The following SRGAP3 variants were observed in gnomAD, a reference collection of about 807,000 sequenced individuals.
SRGAP3 encodes SLIT-ROBO Rho GTPase-activating protein 3.
Under a neutral mutation model 121.1 loss-of-function variants are expected in SRGAP3, and 39 were observed. That is an observed-to-expected ratio of 0.32 (90% CI 0.25 to 0.42). SRGAP3 has a LOEUF of 0.42. Among genes scored for constraint, SRGAP3 ranks in the 10% least tolerant of loss-of-function variants. SRGAP3 has a pLI of 1.00. For synonymous variants in SRGAP3, 601 were observed against 570.0 expected, an observed-to-expected ratio of 1.05 and a Z score of -0.77; for missense variants, 1,213 against 1,470.6, an observed-to-expected ratio of 0.82 and a Z score of 2.86.
chr3:9,082,844 C>T (rs1947305128), intron 3 of SRGAP3, among the ~76,000 whole-genome samples: 1 of 152,202 alleles, frequency 6.6e-6, no homozygotes, highest in South Asian at 2.1e-4. Context: ...CCCCACAGCC[C>T]TTTCTCTCAG....
chr3:9,294,557 A>G (rs532786915), intron 3 of SRGAP3, among the ~76,000 whole-genome samples: 112 of 151,930 alleles, frequency 7.4e-4, no homozygotes, highest in African/African-American at 2.6e-3. Flanking sequence ...AAACAAAAAA[A>G]AACACCAATT....
chr3:9,051,211 A>T (rs1400147648), intron 9 of SRGAP3, among the ~76,000 whole-genome samples: 1 of 151,820 alleles, frequency 6.6e-6, no homozygotes, highest in Non-Finnish European at 1.5e-5. Flanking sequence ...GAGTCGTCCT[A>T]TGTTGCCGAA....
rs560032804 is a variant in SRGAP3, at chr3:9,021,221, C to T, written c.1678+4040G>A. Reference sequence around the variant, plus strand: ...ACGTGGCATGGCTTTAGCCCCACATCCAAACCCTGCGTAGATATGCACAGC... The same window carrying T: ...ACGTGGCATGGCTTTAGCCCCACATTCAAACCCTGCGTAGATATGCACAGC... On this transcript the variant is annotated intron_variant, in intron 14 of 21. Transcript: ENST00000383836. Among the ~76,000 whole-genome samples the T allele has an allele frequency of 7.9e-5, 12 of 152,352 alleles. No individual in the cohort carries two copies. The East Asian group carries it at 2.3e-3, about 29-fold the overall frequency.
At chr3:9,240,259 T>C (rs778451578) in intron 1 of SRGAP3, among the ~76,000 whole-genome samples, 22 of 152,358 alleles carry the variant, frequency 1.4e-4, no homozygotes, top group Middle Eastern at 3.4e-3. Flanking sequence ...CCAGCCAAGA[T>C]GTTTTATGAA....
At chr3:9,016,982 T>C (rs1210486499) in intron 14 of SRGAP3, among the ~76,000 whole-genome samples, 1 of 152,220 alleles carries the variant, frequency 6.6e-6, no homozygotes, top group Non-Finnish European at 1.5e-5. Flanking sequence ...CATACTTTCT[T>C]GTGTCCTTTT....
chr3:9,152,216 T>C (rs1238108626), intron 1 of SRGAP3, among the ~76,000 whole-genome samples: 1 of 152,340 alleles, frequency 6.6e-6, no homozygotes, highest in Non-Finnish European at 1.5e-5. Flanking sequence ...CCCATCCACA[T>C]GTGCCTGACT....
chr3:9,302,706 T>A (rs1225818154), intron 3 of SRGAP3, among the ~76,000 whole-genome samples: 2 of 152,162 alleles, frequency 1.3e-5, no homozygotes, highest in African/African-American at 4.8e-5. Flanking sequence ...GAGGAAGGGC[T>A]AGCGTCTGCC....
At position 9,010,396 on chromosome 3, in the gene SRGAP3, A is replaced by T; in HGVS notation, c.2148-9T>A. The T allele has an allele frequency of 1.9e-6, 3 of 1,613,974 alleles. No individual in the cohort carries two copies. The highest frequency in any genetic ancestry group is 1.7e-6 in the Non-Finnish European group (2 of 1,180,000). On this transcript the variant is annotated splice_polypyrimidine_tract_variant and intron_variant, in intron 17 of 21. Coordinates refer to ENST00000383836, the MANE Select transcript of SRGAP3 (RefSeq NM_014850.4). ...CGCTGTGTGGGCTGTCACTGCAAGG[A>T]AACACGGGAATGGGACTCACTGCGG...
At chr3:9,044,470 C>G (rs960759010) in intron 10 of SRGAP3, among the ~76,000 whole-genome samples, 2 of 152,208 alleles carry the variant, frequency 1.3e-5, no homozygotes, top group African/African-American at 4.8e-5. Flanking sequence ...GCGTGCTCAT[C>G]ATGCTACTCA....
At chr3:9,133,850 CA>C (rs1351438340) in intron 1 of SRGAP3, among the ~76,000 whole-genome samples, 1 of 152,182 alleles carries the variant, frequency 6.6e-6, no homozygotes, top group Non-Finnish European at 1.5e-5. Flanking sequence ...GGATTTGCTC[CA>C]AAATAGCCTT....
chr3:9,073,803 G>A (rs1279372664), intron 4 of SRGAP3, among the ~76,000 whole-genome samples: 1 of 152,218 alleles, frequency 6.6e-6, no homozygotes, highest in Non-Finnish European at 1.5e-5. Flanking sequence ...AGAATAGTAA[G>A]TACAGTTGTC....
At chr3:9,036,655 A>G (rs1424644735) in intron 11 of SRGAP3, 1 of 152,260 alleles carries the variant, frequency 6.6e-6, no homozygotes, top group Non-Finnish European at 1.5e-5. Flanking sequence ...GTTTGATTAC[A>G]GATCTCCTCT....
chr3:9,058,365 C>T lies in SRGAP3; in HGVS notation c.909G>A (p.Glu303=). 1 of 1,614,256 alleles carries T rather than the reference C, an allele frequency of 6.2e-7. No homozygotes were observed. The highest frequency in any genetic ancestry group is 8.5e-7 in the Non-Finnish European group (1 of 1,180,048). The change falls in exon 7 of 22, where the codon GAG becomes GAA. Residue 303 remains glutamate, a synonymous_variant. Transcript: ENST00000383836. ...TSRHEGLDVI[E]NAVDNLDSRS... ...GGGAATCCAGGTTGTCCACTGCATT[C>T]TCAATGACATCCAGCCCTTCGTGGC... is the stretch of plus-strand genomic sequence containing the variant.
intron 1 of SRGAP3, among the ~76,000 whole-genome samples, chr3:9,145,331 G>T (rs781481252): frequency 1.1e-4 from 17 of 152,138 alleles, no homozygotes; most frequent in Non-Finnish European, 2.2e-4. Context: ...CCTGACCTCA[G>T]GTGGTCCACT....
At chr3:9,054,433 CAACT>C (rs1303231208) in intron 8 of SRGAP3, among the ~76,000 whole-genome samples, 9 of 152,224 alleles carry the variant, frequency 5.9e-5, no homozygotes, top group African/African-American at 1.2e-4. Flanking sequence ...CTCTTTCAAC[CAACT>C]GTCAATCAGA....
At chr3:8,993,776 G>A (rs1056392738) in intron 19 of SRGAP3, among the ~76,000 whole-genome samples, 6 of 152,120 alleles carry the variant, frequency 3.9e-5, no homozygotes, top group African/African-American at 1.2e-4. Context: ...CTGTTCTGCC[G>A]AGCCTGACCA....
At chr3:9,290,062 G>A (rs1954845823) in intron 3 of SRGAP3, among the ~76,000 whole-genome samples, 2 of 152,204 alleles carry the variant, frequency 1.3e-5, no homozygotes, top group Admixed American at 1.3e-4. Flanking sequence ...AGCGAGCTGA[G>A]ATTGTGCCAC....
At chr3:9,306,855 T>C (rs1405699866) in intron 3 of SRGAP3, among the ~76,000 whole-genome samples, 7 of 152,100 alleles carry the variant, frequency 4.6e-5, no homozygotes, top group African/African-American at 1.7e-4. Flanking sequence ...TATAAAGTAT[T>C]TTTTTAACTT....
chr3:9,336,455 T>C (rs1471418742), intron 1 of SRGAP3, among the ~76,000 whole-genome samples: 1 of 152,112 alleles, frequency 6.6e-6, no homozygotes, highest in Non-Finnish European at 1.5e-5. Flanking sequence ...CCTCAAGTCA[T>C]CATCCCACCT....
Sources: gnomAD v4.1 joint callset for allele counts (sites outside exome capture counted in the v4.1 genomes callset) on GRCh38, gnomAD v4.1.1 for gene constraint, MANE v1.5 for transcripts, NCBI Gene and HGNC (gene_info 2026-07-23, HGNC 2026-07-21) for gene names.